TSHZ2: variants seen among roughly 807,000 people sequenced by gnomAD.
TSHZ2 encodes teashirt homolog 2.
In TSHZ2, 21 loss-of-function variants were observed where a neutral mutation model predicts 74.4. The ratio of observed to expected loss-of-function variants is 0.28; its 90% CI spans 0.20 to 0.41. The LOEUF (loss-of-function observed/expected upper bound fraction) is 0.41, where lower values mean the gene tolerates loss of function less well. TSHZ2 is among the 10% of genes least tolerant of loss of function. TSHZ2 has a pLI of 1.00. For missense variants in TSHZ2, 1,244 were observed against 1,293.5 expected, an observed-to-expected ratio of 0.96 and a Z score of 0.59; for synonymous variants, 540 against 515.3, an observed-to-expected ratio of 1.05 and a Z score of -0.65.
intron 2 of TSHZ2, among the ~76,000 whole-genome samples, chr20:53,373,771 C>T (rs1026098554): frequency 6.6e-6 from 1 of 152,152 alleles, no homozygotes; most frequent in East Asian, 1.9e-4. Context: ...AGGTCAAAGG[C>T]ACCAGGTTCC....
intron 1 of TSHZ2, among the ~76,000 whole-genome samples, chr20:53,020,169 A>G (rs1983188805): frequency 6.6e-6 from 1 of 152,184 alleles, no homozygotes; most frequent in Non-Finnish European, 1.5e-5. Flanking sequence ...CTCCCTGGAC[A>G]TGTGGGGATT....
At chr20:53,441,961 A>C (rs1291014628) in intron 2 of TSHZ2, among the ~76,000 whole-genome samples, 1 of 152,138 alleles carries the variant, frequency 6.6e-6, no homozygotes, top group Non-Finnish European at 1.5e-5. Flanking sequence ...GCCGAATTTG[A>C]CCTATCCAAG....
intron 2 of TSHZ2, among the ~76,000 whole-genome samples, chr20:53,384,014 AC>A (rs1484527497): frequency 6.6e-6 from 1 of 152,084 alleles, no homozygotes; most frequent in Non-Finnish European, 1.5e-5. Flanking sequence ...TGTGAGTTCC[AC>A]CTGGGGCTCT....
At chr20:53,228,002 T>C (rs1171381071) in intron 1 of TSHZ2, among the ~76,000 whole-genome samples, 2 of 150,836 alleles carry the variant, frequency 1.3e-5, no homozygotes, top group Non-Finnish European at 2.9e-5. Context: ...CTGCTGATCT[T>C]TATAATTTCA....
intron 1 of TSHZ2, among the ~76,000 whole-genome samples, chr20:53,013,658 T>C (rs1982932957): frequency 6.6e-6 from 1 of 152,178 alleles, no homozygotes; most frequent in East Asian, 1.9e-4. Flanking sequence ...ACCACATCTG[T>C]TTTGTTCACC....
At chr20:53,149,097 T>C (rs987265111) in intron 1 of TSHZ2, among the ~76,000 whole-genome samples, 8 of 152,176 alleles carry the variant, frequency 5.3e-5, no homozygotes, top group Non-Finnish European at 1.0e-4. Flanking sequence ...AGCTGAAACT[T>C]TTTCTGTCTC....
At chr20:53,417,257 C>T (rs1437723722) in intron 2 of TSHZ2, among the ~76,000 whole-genome samples, 1 of 151,150 alleles carries the variant, frequency 6.6e-6, no homozygotes, top group Non-Finnish European at 1.5e-5. Flanking sequence ...CACACACACA[C>T]ACACACACAC....
At position 53,469,770 on chromosome 20, in the gene TSHZ2, A is replaced by G. The variant is rs199702676; in HGVS notation, c.*9-17374A>G. Reference sequence around the variant, plus strand: ...GACCCAAGAAAGATAGAGAGGGAGGAAGGGAGGGAGGGAGGGAGGAAGGAA... The same window carrying G: ...GACCCAAGAAAGATAGAGAGGGAGGGAGGGAGGGAGGGAGGGAGGAAGGAA... On this transcript the variant is annotated intron_variant, in intron 2 of 2. Coordinates refer to ENST00000371497, the MANE Select transcript of TSHZ2 (RefSeq NM_173485.6). 5.1e-3 allele frequency among the ~76,000 whole-genome samples: 266 copies of G among 52,038 alleles called. 12 individuals carry two copies. Among genetic ancestry groups the G allele is most frequent in the Non-Finnish European group, 7.0e-3 (182 of 26,000 alleles). The allele number at this position is 52,038 out of a possible 152,430, so 34.1% of individuals were successfully genotyped here.
chr20:53,041,815 G>C (rs1003191247), intron 1 of TSHZ2, among the ~76,000 whole-genome samples: 1 of 152,218 alleles, frequency 6.6e-6, no homozygotes, highest in Non-Finnish European at 1.5e-5. Flanking sequence ...TGAAAGAAAA[G>C]TGTTAAAACA....
At chr20:53,212,371 C>T (rs1192301304) in intron 1 of TSHZ2, among the ~76,000 whole-genome samples, 1 of 152,118 alleles carries the variant, frequency 6.6e-6, no homozygotes, top group African/African-American at 2.4e-5. Context: ...GAGTAGGTTC[C>T]CGCTAATGAA....
chr20:53,034,466 A>G (rs972601471), intron 1 of TSHZ2, among the ~76,000 whole-genome samples: 1 of 152,202 alleles, frequency 6.6e-6, no homozygotes, highest in Admixed American at 6.5e-5. Flanking sequence ...GACAGACAAG[A>G]TCCCTGGCTT....
At chr20:53,148,213 G>A (rs900193659) in intron 1 of TSHZ2, among the ~76,000 whole-genome samples, 3 of 152,080 alleles carry the variant, frequency 2.0e-5, no homozygotes, top group African/African-American at 7.3e-5. Context: ...TTCTCTTTGG[G>A]GATTTGATCT....
intron 1 of TSHZ2, among the ~76,000 whole-genome samples, chr20:53,027,892 TA>T (rs1170395177): frequency 1.3e-5 from 2 of 152,052 alleles, no homozygotes; most frequent in East Asian, 3.9e-4. Flanking sequence ...ATATTTTTTT[TA>T]AAAAAGAAAA....
intron 2 of TSHZ2, among the ~76,000 whole-genome samples, chr20:53,440,153 T>C (rs1984257094): frequency 6.6e-6 from 1 of 152,202 alleles, no homozygotes; most frequent in African/African-American, 2.4e-5. Context: ...GGAAATGTTT[T>C]TTCATCTGTG....
At chr20:53,352,155 C>T (rs541221274) in intron 2 of TSHZ2, among the ~76,000 whole-genome samples, 1 of 151,342 alleles carries the variant, frequency 6.6e-6, no homozygotes, top group East Asian at 1.9e-4. Context: ...AAGTGTGGAG[C>T]ATCCCACCAT....
intron 1 of TSHZ2, among the ~76,000 whole-genome samples, chr20:52,973,989 A>G (rs1568699553): frequency 6.6e-6 from 1 of 152,336 alleles, no homozygotes; most frequent in East Asian, 1.9e-4. Flanking sequence ...AAATTTAAAC[A>G]GCTCTGGATT....
intron 2 of TSHZ2, among the ~76,000 whole-genome samples, chr20:53,262,139 T>G (rs1000380825): frequency 6.6e-6 from 1 of 152,156 alleles, no homozygotes; most frequent in Non-Finnish European, 1.5e-5. Context: ...CTGAGCTAAT[T>G]TGAAACCCAA....
At chr20:52,973,681 C>T (rs1302647305) in intron 1 of TSHZ2, among the ~76,000 whole-genome samples, 5 of 152,168 alleles carry the variant, frequency 3.3e-5, no homozygotes, top group African/African-American at 9.7e-5. Flanking sequence ...GCCCCTCCAC[C>T]CCTGCATCCC....
At chr20:53,147,314 C>T (rs1462870691) in intron 1 of TSHZ2, among the ~76,000 whole-genome samples, 1 of 152,148 alleles carries the variant, frequency 6.6e-6, no homozygotes, top group Admixed American at 6.6e-5. Context: ...TTTTCATCCC[C>T]TTTTCTTTCA....
Sources: gnomAD v4.1 joint callset for allele counts (sites outside exome capture counted in the v4.1 genomes callset) on GRCh38, gnomAD v4.1.1 for gene constraint, MANE v1.5 for transcripts, NCBI Gene and HGNC (gene_info 2026-07-23, HGNC 2026-07-21) for gene names.